Variants in PDZRN4 observed in about 807,000 individuals in gnomAD.
PDZRN4 encodes the protein PDZ domain containing ring finger 4, also known as PDZ domain-containing RING finger protein 4.
Under a neutral mutation model 99.0 loss-of-function variants are expected in PDZRN4, and 70 were observed. The ratio of observed to expected loss-of-function variants is 0.71; its 90% CI spans 0.58 to 0.86. The LOEUF (loss-of-function observed/expected upper bound fraction) is 0.86. Among genes scored for constraint, PDZRN4 ranks in the 40% least tolerant of loss-of-function variants. The pLI is 0.00. For missense variants in PDZRN4, 1,474 were observed against 1,331.2 expected, an observed-to-expected ratio of 1.11 and a Z score of -1.67; for synonymous variants, 551 against 501.6, an observed-to-expected ratio of 1.10 and a Z score of -1.32.
At chr12:41,212,879 G>T (rs1161158258) in intron 3 of PDZRN4, among the ~76,000 whole-genome samples, 1 of 151,954 alleles carries the variant, frequency 6.6e-6, no homozygotes, top group Non-Finnish European at 1.5e-5. Context: ...GAGTATGTGC[G>T]GAAGCTCTGT....
At chr12:41,274,365 T>C (rs1418898430) in intron 3 of PDZRN4, among the ~76,000 whole-genome samples, 1 of 152,078 alleles carries the variant, frequency 6.6e-6, no homozygotes, top group East Asian at 1.9e-4. Context: ...GGCACAAAGG[T>C]GCAATTTGAA....
At chr12:41,286,798 G>C (rs1446389699) in intron 3 of PDZRN4, among the ~76,000 whole-genome samples, 4 of 152,122 alleles carry the variant, frequency 2.6e-5, no homozygotes, top group African/African-American at 9.7e-5. Flanking sequence ...AAATGACTCT[G>C]ATGATGTATT....
At chr12:41,350,084 C>A in intron 3 of PDZRN4, among the ~76,000 whole-genome samples, 1 of 152,044 alleles carries the variant, frequency 6.6e-6, no homozygotes, top group African/African-American at 2.4e-5. Flanking sequence ...AGTCTTCCAT[C>A]AGTTTGGTGA....
At chr12:41,215,635 T>A (rs1356283119) in intron 3 of PDZRN4, among the ~76,000 whole-genome samples, 1 of 152,048 alleles carries the variant, frequency 6.6e-6, no homozygotes. Context: ...GATGATTACA[T>A]AGACATTGTA....
intron 3 of PDZRN4, among the ~76,000 whole-genome samples, chr12:41,448,184 T>A (rs2608710): frequency 0.51 from 77,369 of 151,884 alleles, 20,183 homozygotes; most frequent in African/African-American, 0.64. Flanking sequence ...CCATGAAAGG[T>A]TCCTCGCAAT....
rs1591983729 is a variant in PDZRN4, at chr12:41,247,168, A to AAT, written c.843+52980_843+52981insAT. Among the ~76,000 whole-genome samples the AAT allele has an allele frequency of 2.6e-5, 4 of 152,376 alleles. No homozygotes were observed. In the East Asian group the frequency reaches 7.7e-4, roughly 29 times the overall value. On this transcript the variant is annotated intron_variant, in intron 3 of 9. Transcript: ENST00000402685. ...TACCAAAATAATCATGGTCCAAGGT[A>AAT]CAACATAAGTAAAAATGTTTAGAGA...
intron 3 of PDZRN4, among the ~76,000 whole-genome samples, chr12:41,216,525 C>T (rs1950922005): frequency 6.6e-6 from 1 of 151,864 alleles, no homozygotes; most frequent in Admixed American, 6.6e-5. Flanking sequence ...TACTTAAAAC[C>T]AGGAAAAACT....
At chr12:41,216,314 G>C (rs557569679) in intron 3 of PDZRN4, among the ~76,000 whole-genome samples, 103 of 152,070 alleles carry the variant, frequency 6.8e-4, no homozygotes, top group African/African-American at 2.3e-3. Flanking sequence ...TACATAATCA[G>C]TGCCATTAAC....
At chr12:41,342,565 G>A (rs942314587) in intron 3 of PDZRN4, among the ~76,000 whole-genome samples, 2 of 61,428 alleles carry the variant, frequency 3.3e-5, no homozygotes, top group Non-Finnish European at 7.9e-5. Context: ...TTTCCCAAAA[G>A]AAGACAAACA....
At chr12:41,332,749 A>C (rs930054282) in intron 3 of PDZRN4, among the ~76,000 whole-genome samples, 3 of 144,132 alleles carry the variant, frequency 2.1e-5, no homozygotes, top group Admixed American at 6.9e-5. Flanking sequence ...AGGATTAAAA[A>C]AAAAAAAAAA....
At chr12:41,486,065 A>G (rs1237109838) in intron 3 of PDZRN4, among the ~76,000 whole-genome samples, 1 of 152,188 alleles carries the variant, frequency 6.6e-6, no homozygotes, top group East Asian at 1.9e-4. Context: ...ATAGATTATC[A>G]TGGACCTATG....
chr12:41,313,102 C>T (rs1428344785), intron 3 of PDZRN4, among the ~76,000 whole-genome samples: 1 of 152,136 alleles, frequency 6.6e-6, no homozygotes, highest in Non-Finnish European at 1.5e-5. Flanking sequence ...ATCTTCCAAA[C>T]CAGAAATACA....
In PDZRN4 at chr12:41,377,663, C is replaced by CA. The variant is rs557332286; in HGVS notation, c.844-128781dup. ...TGGTCAACAGAGTGAGACTCCACCT[C>CA]AAAAAAAAAAAATTATAGTTTTCAG... On this transcript the variant is annotated intron_variant, in intron 3 of 9. Transcript: ENST00000402685. Among the ~76,000 whole-genome samples, 722 of 143,296 alleles carry CA rather than the reference C, an allele frequency of 5.0e-3. 3 individuals carry two copies. Among genetic ancestry groups the CA allele is most frequent in the African/African-American group, 0.015 (582 of 39,276 alleles). 94.0% of individuals were successfully genotyped at this position (143,296 alleles called of 152,430 possible). A position where few individuals can be genotyped will look rare whatever the true frequency, so the allele number is the denominator to read the frequency against.
rs558570673 is a variant in PDZRN4 at position 41,191,970 on chromosome 12, G to C, written c.735+426G>C. ...GCTAATTTTTTGTATTTTTAGTAGA[G>C]ACAGGGTTTCACATGTTGGCCAGGC... On this transcript the variant is annotated intron_variant, in intron 2 of 9. Transcript: ENST00000402685. Among the ~76,000 whole-genome samples, 10 of 151,198 alleles carry C rather than the reference G, an allele frequency of 6.6e-5. No homozygotes were observed. In the East Asian group the frequency reaches 2.0e-3, roughly 30 times the overall value.
rs776090644 is a variant in PDZRN4 at position 41,437,993 on chromosome 12, C to T, written c.844-68463C>T. On this transcript the variant is annotated intron_variant, in intron 3 of 9. Coordinates refer to ENST00000402685, the MANE Select transcript of PDZRN4 (RefSeq NM_001164595.2). ...TCAGAAAAGAGAGGAACACTACAAA[C>T]TGCTGTATGAAGTTTCCCAGGTGAG... is the stretch of plus-strand genomic sequence containing the variant. The T allele has an allele frequency of 8.1e-6, 13 of 1,614,104 alleles. No homozygotes were observed. In the Admixed American group the frequency reaches 1.8e-4, roughly 23 times the overall value.
At chr12:41,370,699 A>AT (rs1363173223) in intron 3 of PDZRN4, among the ~76,000 whole-genome samples, 4 of 151,850 alleles carry the variant, frequency 2.6e-5, no homozygotes, top group African/African-American at 9.7e-5. Flanking sequence ...TATACTAGAC[A>AT]TTTTTAAACC....
At chr12:41,281,136 A>G (rs2120884687) in intron 3 of PDZRN4, among the ~76,000 whole-genome samples, 1 of 148,542 alleles carries the variant, frequency 6.7e-6, no homozygotes, top group Non-Finnish European at 1.5e-5. Context: ...GACTGTTAGA[A>G]GGAAGACTAA....
At chr12:41,315,657 G>A (rs1951633719) in intron 3 of PDZRN4, among the ~76,000 whole-genome samples, 1 of 152,122 alleles carries the variant, frequency 6.6e-6, no homozygotes. Flanking sequence ...GAATGATCCA[G>A]TGATAGGATT....
chr12:41,514,073 C>A (rs1938354587), intron 5 of PDZRN4, among the ~76,000 whole-genome samples: 1 of 151,980 alleles, frequency 6.6e-6, no homozygotes, highest in African/African-American at 2.4e-5. Flanking sequence ...CGTCCAATAT[C>A]ATAAAAACGT....
Sources: gnomAD v4.1 joint callset for allele counts (sites outside exome capture counted in the v4.1 genomes callset) on GRCh38, gnomAD v4.1.1 for gene constraint, MANE v1.5 for transcripts, NCBI Gene and HGNC (gene_info 2026-07-23, HGNC 2026-07-21) for gene names.